Variants in STK32B observed in about 807,000 individuals in gnomAD.
The protein encoded by STK32B is serine/threonine-protein kinase 32B.
A neutral mutation model predicts 52.6 loss-of-function variants in STK32B; 43 were observed. That is an observed-to-expected ratio of 0.82 (90% CI 0.64 to 1.05). The LOEUF (loss-of-function observed/expected upper bound fraction) is 1.05, where lower values mean the gene tolerates loss of function less well. STK32B is among the 50% of genes least tolerant of loss of function. The pLI is 0.00. For synonymous variants in STK32B, 238 were observed against 204.3 expected (o/e 1.17, Z -1.41); for missense variants, 621 against 534.6 (o/e 1.16, Z -1.59).
At chr4:5,239,765 T>C (rs1464448685) in intron 3 of STK32B, among the ~76,000 whole-genome samples, 4 of 152,044 alleles carry the variant, frequency 2.6e-5, no homozygotes, top group Admixed American at 1.3e-4. Context: ...GTCAGAATTT[T>C]TTTTTTTTCT....
chr4:5,344,272 C>T (rs900110607), intron 4 of STK32B, among the ~76,000 whole-genome samples: 2 of 152,172 alleles, frequency 1.3e-5, no homozygotes, highest in South Asian at 2.1e-4. Flanking sequence ...CATTTTCAGG[C>T]TTTTTTGATT....
At chr4:5,304,625 C>G (rs1332281578) in intron 3 of STK32B, among the ~76,000 whole-genome samples, 1 of 152,064 alleles carries the variant, frequency 6.6e-6, no homozygotes, top group Non-Finnish European at 1.5e-5. Context: ...ATGTCATCAG[C>G]AAACAGCAAC....
At chr4:5,485,100 G>A (rs368877636) in intron 11 of STK32B, among the ~76,000 whole-genome samples, 15 of 151,578 alleles carry the variant, frequency 9.9e-5, no homozygotes, top group Middle Eastern at 3.4e-3. Context: ...TATCTTGGTG[G>A]CGTTCTCTGT....
chr4:5,443,473 C>T (rs2109114439), intron 6 of STK32B, among the ~76,000 whole-genome samples: 1 of 152,258 alleles, frequency 6.6e-6, no homozygotes. Flanking sequence ...TTAAGCACTC[C>T]TCTGTATTGG....
At chr4:5,095,610 G>A (rs943322404) in intron 1 of STK32B, among the ~76,000 whole-genome samples, 4 of 152,148 alleles carry the variant, frequency 2.6e-5, no homozygotes, top group African/African-American at 9.7e-5. Context: ...GCTTGACTTG[G>A]TCTGAAAAAC....
At chr4:5,249,209 T>G (rs1725701027) in intron 3 of STK32B, among the ~76,000 whole-genome samples, 1 of 152,196 alleles carries the variant, frequency 6.6e-6, no homozygotes, top group Admixed American at 6.5e-5. Flanking sequence ...TATGGAAGGT[T>G]TCTACCTTCA....
chr4:5,212,502 G>T (rs563564613), intron 3 of STK32B, among the ~76,000 whole-genome samples: 8 of 152,290 alleles, frequency 5.3e-5, no homozygotes, highest in African/African-American at 1.9e-4. Flanking sequence ...GAGATAAACC[G>T]CAGTCCCCAC....
intron 11 of STK32B, among the ~76,000 whole-genome samples, chr4:5,490,567 AATTTTTT>A (rs1719637812): frequency 6.6e-6 from 1 of 151,518 alleles, no homozygotes; most frequent in Non-Finnish European, 1.5e-5. Context: ...CTTTTTTTTT[AATTTTTT>A]AAATTTTTTT....
chr4:5,445,796 G>A (rs1011159404), intron 6 of STK32B, among the ~76,000 whole-genome samples: 9 of 152,072 alleles, frequency 5.9e-5, no homozygotes, highest in African/African-American at 1.7e-4. Flanking sequence ...AAGGAAAACC[G>A]GTACCCATGA....
At chr4:5,169,438 G>A (rs762384675) in intron 3 of STK32B, among the ~76,000 whole-genome samples, 3 of 152,114 alleles carry the variant, frequency 2.0e-5, no homozygotes, top group African/African-American at 7.2e-5. Flanking sequence ...CACCCTGGAG[G>A]GGTAAGTCTA....
intron 3 of STK32B, among the ~76,000 whole-genome samples, chr4:5,209,554 C>A (rs1428512719): frequency 2.0e-5 from 3 of 152,090 alleles, no homozygotes; most frequent in Non-Finnish European, 2.9e-5. Context: ...ATGGGGCAAC[C>A]AGTGGTCAAA....
At chr4:5,087,490 A>C (rs956662991) in intron 1 of STK32B, among the ~76,000 whole-genome samples, 1 of 152,066 alleles carries the variant, frequency 6.6e-6, no homozygotes, top group African/African-American at 2.4e-5. Context: ...CTCTCCAATT[A>C]AAAGATAGAT....
intron 1 of STK32B, among the ~76,000 whole-genome samples, chr4:5,120,193 T>C (rs1714950383): frequency 6.6e-6 from 1 of 152,178 alleles, no homozygotes; most frequent in Non-Finnish European, 1.5e-5. Context: ...CGTAATCTGC[T>C]CCTGACATCT....
the STK32B span, among the ~76,000 whole-genome samples, chr4:5,038,985 C>CT: frequency 0.15 from 18,778 of 122,340 alleles, 2,126 homozygotes; most frequent in African/African-American, 0.29. Flanking sequence ...AAATTTCTTT[C>CT]TTTTTTTTTT....
chr4:5,287,539 A>T (rs1337761280), intron 3 of STK32B, among the ~76,000 whole-genome samples: 1 of 152,180 alleles, frequency 6.6e-6, no homozygotes, highest in East Asian at 1.9e-4. Flanking sequence ...TAAAAGATGG[A>T]CATGAGTGTA....
intron 3 of STK32B, among the ~76,000 whole-genome samples, chr4:5,288,521 A>AT (rs1174391450): frequency 6.6e-6 from 1 of 151,802 alleles, no homozygotes; most frequent in African/African-American, 2.4e-5. Flanking sequence ...TTTTTTGGTT[A>AT]TTTTGGTATA....
At position 5,446,795 on chromosome 4, in the gene STK32B, C is replaced by T. The variant is rs767783801; in HGVS notation, c.666+19C>T. 3.9e-5 allele frequency: 63 copies of T among 1,611,120 alleles called. No homozygotes were observed. The highest frequency in any genetic ancestry group is 5.0e-5 in the Admixed American group (3 of 59,970). On this transcript the variant is annotated intron_variant, in intron 7 of 11. Transcript: ENST00000282908. ...GGGCTGGGTAAGACAGGCACCTGTG[C>T]GGTACACACGAGGGGCTGTGCAGTG...
intron 1 of STK32B, among the ~76,000 whole-genome samples, chr4:5,074,188 A>ATG (rs34284353): frequency 0.23 from 33,701 of 148,778 alleles, 3,962 homozygotes; most frequent in Middle Eastern, 0.37. Flanking sequence ...AAATATATAT[A>ATG]TGTGTGTGTG....
At chr4:5,450,972 G>A (rs1164392327) in intron 7 of STK32B, among the ~76,000 whole-genome samples, 1 of 152,162 alleles carries the variant, frequency 6.6e-6, no homozygotes, top group Non-Finnish European at 1.5e-5. Context: ...CACACTCTGT[G>A]CTTCTTGGTG....
Sources: gnomAD v4.1 joint callset for allele counts (sites outside exome capture counted in the v4.1 genomes callset) on GRCh38, gnomAD v4.1.1 for gene constraint, MANE v1.5 for transcripts, NCBI Gene and HGNC (gene_info 2026-07-23, HGNC 2026-07-21) for gene names.